Variants in MAST2 observed in about 807,000 individuals in gnomAD.
MAST2 encodes the protein microtubule-associated serine/threonine-protein kinase 2.
Under a neutral mutation model 147.4 loss-of-function variants are expected in MAST2, and 70 were observed. That is an observed-to-expected ratio of 0.47 (90% confidence interval 0.39 to 0.58). The LOEUF (loss-of-function observed/expected upper bound fraction) is 0.58, where lower values mean the gene tolerates loss of function less well. MAST2 is among the 20% of genes least tolerant of loss of function. The pLI is 0.00. For synonymous variants in MAST2, 869 were observed against 896.8 expected (o/e 0.97, Z 0.55); for missense variants, 2,080 against 2,302.3 (o/e 0.90, Z 1.98).
chr1:45,983,669 T>G (rs575571165), intron 5 of MAST2, among the ~76,000 whole-genome samples: 1 of 152,168 alleles, frequency 6.6e-6, no homozygotes, highest in East Asian at 1.9e-4. Flanking sequence ...TTTTTTTTAG[T>G]TTTTGTAGAG....
intron 4 of MAST2, among the ~76,000 whole-genome samples, chr1:45,912,327 A>G (rs187343620): frequency 2.6e-5 from 4 of 152,318 alleles, no homozygotes; most frequent in African/African-American, 9.6e-5. Context: ...TCGCATTTGT[A>G]TATTTGTATG....
chr1:45,997,416 G>A (rs756089838), intron 5 of MAST2, among the ~76,000 whole-genome samples: 4 of 152,162 alleles, frequency 2.6e-5, no homozygotes, highest in Non-Finnish European at 4.4e-5. Flanking sequence ...CCTTCTGAAT[G>A]TTGGTTCACT....
At chr1:45,909,420 AT>A (rs917755663) in intron 4 of MAST2, among the ~76,000 whole-genome samples, 6 of 152,056 alleles carry the variant, frequency 3.9e-5, no homozygotes. Context: ...TTCTGTGACT[AT>A]TTTTAAACCA....
intron 3 of MAST2, 78 bp downstream of exon 3, chr1:45,829,659 T>C: frequency 7.1e-7 from 1 of 1,413,272 alleles, no homozygotes; most frequent in Middle Eastern, 1.8e-4. Context: ...TCTATTCTTT[T>C]TCCTTTTTAG....
chr1:45,891,975 T>G (rs1647871469), intron 4 of MAST2, among the ~76,000 whole-genome samples: 1 of 152,188 alleles, frequency 6.6e-6, no homozygotes, highest in African/African-American at 2.4e-5. Context: ...GTGGCCTTCC[T>G]TACCATCTGT....
At chr1:46,027,326 T>C (rs985376057) in intron 16 of MAST2, among the ~76,000 whole-genome samples, 2 of 152,000 alleles carry the variant, frequency 1.3e-5, no homozygotes, top group African/African-American at 4.8e-5. Context: ...CCCCTGCCCC[T>C]CTCCCTGAAA....
intron 4 of MAST2, among the ~76,000 whole-genome samples, chr1:45,955,933 G>A (rs967905687): frequency 6.6e-6 from 1 of 152,138 alleles, no homozygotes; most frequent in African/African-American, 2.4e-5. Context: ...GAATATAATA[G>A]ATTGTATGAC....
At chr1:45,847,298 C>G in intron 3 of MAST2, 1 of 502,524 alleles carries the variant, frequency 2.0e-6, no homozygotes, top group Admixed American at 2.3e-5. Context: ...GCTGCCTGTC[C>G]TGCTTGTCCC....
At position 46,030,607 on chromosome 1, in the gene MAST2, G is replaced by A. The variant is rs540837696; in HGVS notation, c.2554G>A (p.Val852Met). Residue 852 changes from valine to methionine, a missense_variant and splice_region_variant, in exon 22 of 29, where the codon GTG becomes ATG. Transcript: ENST00000361297. ...FSSCSPRFNK[V>M]YSSMERLSLL... ...CCCAGCGCATCCCCTGTGCCCACAG[G>A]TGTACAGCAGCATGGAGCGGCTCTC... 1.8e-5 allele frequency: 29 copies of A among 1,607,876 alleles called. 1 individual carries two copies. The South Asian group carries it at 3.2e-4, about 18-fold the overall frequency.
intron 1 of MAST2, among the ~76,000 whole-genome samples, chr1:45,811,753 C>A (rs1644308768): frequency 6.6e-6 from 1 of 150,470 alleles, no homozygotes; most frequent in African/African-American, 2.5e-5. Context: ...CCTGCCTCAG[C>A]CTCCCGAATA....
chr1:46,032,827 G>A (rs1646730450), intron 26 of MAST2, 109 bp downstream of exon 26: 7 of 1,430,940 alleles, frequency 4.9e-6, no homozygotes, highest in Non-Finnish European at 6.7e-6. Flanking sequence ...TCTACACCGA[G>A]TATGGATGTA....
In MAST2 at chr1:45,849,537, T is replaced by A. The variant is rs1439930374; in HGVS notation, c.468+19956T>A. On this transcript the variant is annotated intron_variant, in intron 3 of 28. Transcript: ENST00000361297. Reference sequence around the variant, plus strand: ...AGCTGGACCCCCTCTTTTCTTTTTTTTTTTTTTGAGATGGAGTCTCTCTCT... The same window carrying A: ...AGCTGGACCCCCTCTTTTCTTTTTTATTTTTTTGAGATGGAGTCTCTCTCT... Among the ~76,000 whole-genome samples, 9 of 151,862 alleles carry A rather than the reference T, an allele frequency of 5.9e-5. 1 individual carries two copies. Among genetic ancestry groups the A allele is most frequent in the African/African-American group, 2.2e-4 (9 of 41,378 alleles).
intron 2 of MAST2, among the ~76,000 whole-genome samples, chr1:45,827,288 CTG>C (rs1644823431): frequency 6.6e-6 from 1 of 151,880 alleles, no homozygotes; most frequent in Admixed American, 6.6e-5. Flanking sequence ...TTCTTTTTTT[CTG>C]TGTTATTTAT....
chr1:45,854,726 A>G (rs1645734642), intron 3 of MAST2, among the ~76,000 whole-genome samples: 1 of 152,044 alleles, frequency 6.6e-6, no homozygotes, highest in African/African-American at 2.4e-5. Context: ...TTCCCTGTAC[A>G]CCAAACAGCA....
At chr1:45,906,151 T>C (rs190755069) in intron 4 of MAST2, among the ~76,000 whole-genome samples, 6 of 152,316 alleles carry the variant, frequency 3.9e-5, no homozygotes, top group African/African-American at 1.2e-4. Flanking sequence ...ATTACTGAGT[T>C]GTACAAGTTA....
At chr1:45,941,770 G>C (rs151045033) in intron 4 of MAST2, among the ~76,000 whole-genome samples, 20 of 152,180 alleles carry the variant, frequency 1.3e-4, no homozygotes, top group Admixed American at 6.5e-4. Context: ...TACTTGCCTT[G>C]TTCCTCCTCT....
intron 10 of MAST2, among the ~76,000 whole-genome samples, chr1:46,012,857 G>A (rs1169354311): frequency 6.6e-6 from 1 of 151,954 alleles, no homozygotes; most frequent in Non-Finnish European, 1.5e-5. Context: ...CACCATGTTG[G>A]CCAGGCTGGT....
intron 4 of MAST2, among the ~76,000 whole-genome samples, chr1:45,934,821 T>C (rs750711603): frequency 2.6e-5 from 4 of 152,224 alleles, no homozygotes; most frequent in Non-Finnish European, 5.9e-5. Flanking sequence ...CCTAATTTGA[T>C]TCCGTGTCTT....
intron 4 of MAST2, among the ~76,000 whole-genome samples, chr1:45,937,676 C>T (rs111591373): frequency 0.2 from 28,608 of 143,866 alleles, 3,361 homozygotes; most frequent in Non-Finnish European, 0.26. Flanking sequence ...CACTTGAACC[C>T]GGGAGGTGGA....
Sources: allele counts gnomAD v4.1 joint callset (sites outside exome capture counted in the v4.1 genomes callset), GRCh38; gene constraint gnomAD v4.1.1; transcripts MANE v1.5; gene names NCBI Gene and HGNC (gene_info 2026-07-23, HGNC 2026-07-21).